Variants in FCER2 observed in about 807,000 individuals in gnomAD.
The protein encoded by FCER2 is low affinity immunoglobulin epsilon Fc receptor.
FCER2 carries 38 observed loss-of-function variants against 49.7 expected under a neutral mutation model. The observed-to-expected ratio is 0.76, with a 90% confidence interval of 0.59 to 1.00. The LOEUF (loss-of-function observed/expected upper bound fraction) is 1.00. FCER2 is among the 50% of genes least tolerant of loss of function. The pLI, the probability that FCER2 is intolerant of heterozygous loss-of-function variation, is 0.00. For synonymous variants in FCER2, 163 were observed against 164.6 expected (o/e 0.99, Z 0.07); for missense variants, 425 against 419.5 (o/e 1.01, Z -0.11).
At chr19:7,695,920 C>CTT (rs60387474) in intron 8 of FCER2, among the ~76,000 whole-genome samples, 1,470 of 80,644 alleles carry the variant, frequency 0.018, 19 homozygotes, top group African/African-American at 0.026. Context: ...CCATCTCTCT[C>CTT]TTTTTTTTTT....
At position 7,690,170 on chromosome 19, in the gene FCER2, G is replaced by C. The variant is rs2228138; in HGVS notation, c.717C>G (p.His239Gln). ...KGEFIWVDGS[H>Q]VDYSNWAPGE... The stretch of plus-strand genomic sequence containing the variant: ...GGCCCCCTCCTCACCTGTAGTCCAC[G>C]TGGCTCCCATCCACCCAGATAAACT... The change falls in exon 10 of 11, where the codon CAC (histidine) becomes CAG (glutamine). Residue 239 changes from histidine to glutamine, a missense_variant. Coordinates refer to ENST00000597921, the MANE Select transcript of FCER2 (RefSeq NM_001220500.2). 3.4e-5 allele frequency: 54 copies of C among 1,609,108 alleles called. No homozygotes were observed. In the East Asian group the frequency reaches 6.0e-4, roughly 18 times the overall value.
chr19:7,692,653 G>A (rs1273423184), intron 8 of FCER2, among the ~76,000 whole-genome samples: 1 of 148,946 alleles, frequency 6.7e-6, no homozygotes, highest in Admixed American at 6.6e-5. Context: ...GCACTTCGTG[G>A]TTAGCAACAC....
Position 7,697,557 on chromosome 19 carries a change from G to C in FCER2, c.223C>G (p.His75Asp). Residue 75 changes from histidine (H) to aspartate (D), a missense_variant, in exon 5 of 11, where the codon CAC becomes GAC. Transcript: ENST00000597921. ...SQVSKNLESH[H>D]GDQMAQKSQS... Reference sequence around the variant, plus strand: ...GATTTCTGCGCCATCTGGTCACCGTGGTGGCTTTCCAAGTTCTTGGAAACT... The same window carrying C: ...GATTTCTGCGCCATCTGGTCACCGTCGTGGCTTTCCAAGTTCTTGGAAACT... 1 of 1,614,070 alleles carries C rather than the reference G, an allele frequency of 6.2e-7. No individual in the cohort carries two copies. The highest frequency in any genetic ancestry group is 1.1e-5 in the South Asian group (1 of 91,076).
chr19:7,690,138 T>C, intron 10 of FCER2, 21 bp downstream of exon 10: 1 of 1,473,872 alleles, frequency 6.8e-7, no homozygotes, highest in Non-Finnish European at 9.5e-7. Context: ...CTCCCCTGGA[T>C]CCCAGAGGCC....
chr19:7,698,605 G>A (rs1425174709), intron 3 of FCER2, 136 bp downstream of exon 3: 1 of 1,225,494 alleles, frequency 8.2e-7, no homozygotes, highest in Non-Finnish European at 1.1e-6. Flanking sequence ...GCAGTGGCAA[G>A]ATGGGAGGCA....
At chr19:7,697,212 A>G in intron 6 of FCER2, 24 bp downstream of exon 6, 1 of 1,613,446 alleles carries the variant, frequency 6.2e-7, no homozygotes, top group Non-Finnish European at 8.5e-7. Context: ...ATCTGGCTTC[A>G]TAACCCCGAT....
In FCER2 at chr19:7,689,041, G is replaced by A; in HGVS notation, c.*152C>T. On this transcript the variant is annotated 3_prime_UTR_variant, in exon 11 of 11. Coordinates refer to ENST00000597921, the MANE Select transcript of FCER2 (RefSeq NM_001220500.2). Reference sequence around the variant, plus strand: ...AGGGTGCTGTTGGGGTGTACTCCTGGGAAGGCAGGGGCCATAGAGGAGCGG... The same window carrying A: ...AGGGTGCTGTTGGGGTGTACTCCTGAGAAGGCAGGGGCCATAGAGGAGCGG... 4.8e-6 allele frequency: 3 copies of A among 621,496 alleles called. No individual in the cohort carries two copies. The South Asian group carries it at 5.8e-5, about 12-fold the overall frequency. The allele number at this position is 621,496 out of a possible 1,614,324, so 38.5% of individuals were successfully genotyped here.
In FCER2 at chr19:7,688,996, G is replaced by C; in HGVS notation, c.*197C>G. ...ACTCTCATCTGGAGAGGGTGCTGTT[G>C]GGGGCACTCCCATCTGGAGAGGGTG... On this transcript the variant is annotated 3_prime_UTR_variant, in exon 11 of 11. Transcript: ENST00000597921. The C allele has an allele frequency of 1.7e-6, 1 of 592,958 alleles. No individual in the cohort carries two copies. Among genetic ancestry groups the C allele is most frequent in the East Asian group, 2.8e-5 (1 of 35,912 alleles). The allele number at this position is 592,958 out of a possible 1,614,324, so 36.7% of individuals were successfully genotyped here.
intron 2 of FCER2, chr19:7,699,515 G>A (rs1284305546): frequency 2.8e-6 from 4 of 1,409,654 alleles, no homozygotes; most frequent in African/African-American, 1.5e-5. Flanking sequence ...TTGTCAGGAG[G>A]GTGTTGAATC....
Position 7,696,935 on chromosome 19 carries a change from C to T in FCER2, c.380-21G>A, listed in dbSNP as rs770297989. 13 of 1,566,830 alleles carry T rather than the reference C, an allele frequency of 8.3e-6. No individual in the cohort carries two copies. In the African/African-American group the frequency reaches 1.1e-4, roughly 13 times the overall value. On this transcript the variant is annotated intron_variant, in intron 7 of 10. Coordinates refer to ENST00000597921, the MANE Select transcript of FCER2 (RefSeq NM_001220500.2). The stretch of plus-strand genomic sequence containing the variant: ...CAATTCTTGGGGAGTCAACAAGGGG[C>T]GGTGCTCAGAGACCAACTGGCAGGC...
intron 8 of FCER2, 141 bp downstream of exon 8, chr19:7,696,684 G>C: frequency 3.1e-6 from 2 of 650,676 alleles, no homozygotes; most frequent in Admixed American, 2.7e-5. Flanking sequence ...TTATATCTTT[G>C]TGTCCTCCCG....
chr19:7,697,494 TCCCCTGCAA>T (rs71179125), intron 5 of FCER2, 24 bp downstream of exon 5: 389,914 of 1,599,970 alleles, frequency 0.24, 50,491 homozygotes, highest in African/African-American at 0.41. Flanking sequence ...CCTCGCTTTT[TCCCCTGCAA>T]CCCCAACTCC....
chr19:7,692,653 G>C (rs1273423184), intron 8 of FCER2, among the ~76,000 whole-genome samples: 60 of 148,994 alleles, frequency 4.0e-4, no homozygotes, highest in African/African-American at 1.5e-3. Context: ...GCACTTCGTG[G>C]TTAGCAACAC....
chr19:7,696,005 C>T (rs2033002548), intron 8 of FCER2, among the ~76,000 whole-genome samples: 1 of 147,996 alleles, frequency 6.8e-6, no homozygotes, highest in Non-Finnish European at 1.5e-5. Context: ...ATGATCTCGG[C>T]TCACTGCAAC....
At chr19:7,689,486 C>T (rs1190050162) in intron 10 of FCER2, 56 bp from the exon 11 acceptor site, 9 of 1,160,288 alleles carry the variant, frequency 7.8e-6, no homozygotes, top group Admixed American at 2.2e-5. Context: ...GCCCAGTTCC[C>T]GGCAGCCCTC....
chr19:7,690,650 C>G, intron 8 of FCER2, 93 bp from the exon 9 acceptor site: 1 of 1,329,300 alleles, frequency 7.5e-7, no homozygotes, highest in Non-Finnish European at 1.0e-6. Flanking sequence ...TAGGGCCACT[C>G]CTGGGGTCCC....
At position 7,701,200 on chromosome 19, in the gene FCER2, G is replaced by A. The variant is rs150664765; in HGVS notation, c.-86+815C>T. 8.4e-4 allele frequency among the ~76,000 whole-genome samples: 128 copies of A among 152,230 alleles called. No individual in the cohort carries two copies. In the East Asian group the frequency reaches 0.016, roughly 19 times the overall value. ...TGGAGGTCACGGGCTACCTTCTTTC[G>A]CTGCTTGACTATAGGTAAGTCCCTT... On this transcript the variant is annotated intron_variant, in intron 1 of 10. Transcript: ENST00000597921.
In FCER2 at chr19:7,689,353, T is replaced by C. The variant is rs150182538; in HGVS notation, c.806A>G (p.Asn269Ser). The C allele has an allele frequency of 5.6e-6, 9 of 1,611,238 alleles. No homozygotes were observed. The African/African-American group carries it at 8.0e-5, about 14-fold the overall frequency. The stretch of plus-strand genomic sequence containing the variant: ...CAGCTTACGGTCGCAGAAGGCGTCG[T>C]TCCAGCGACCGGAGCCCCGCATCAT... Reference protein sequence around the residue: ...CVMMRGSGRWNDAFCDRKLGA... With the variant: ...CVMMRGSGRWSDAFCDRKLGA... The change falls in exon 11 of 11, where the codon AAC becomes AGC. Residue 269 changes from asparagine (N) to serine (S), a missense_variant. Physicochemically the swap from Asn to Ser is conservative, Grantham distance 46 (BLOSUM62 1). Transcript: ENST00000597921.
At chr19:7,698,329 A>T in intron 4 of FCER2, 27 bp downstream of exon 4, 1 of 1,520,760 alleles carries the variant, frequency 6.6e-7, no homozygotes, top group Non-Finnish European at 9.0e-7. Flanking sequence ...CCTCACCCCC[A>T]CCCCCTCCAC....
Sources: allele counts gnomAD v4.1 joint callset (sites outside exome capture counted in the v4.1 genomes callset), GRCh38; gene constraint gnomAD v4.1.1; transcripts MANE v1.5; gene names NCBI Gene and HGNC (gene_info 2026-07-23, HGNC 2026-07-21).